The following DGKB variants were observed in gnomAD, a reference collection of about 807,000 sequenced individuals.
DGKB encodes diacylglycerol kinase beta, also known as 90 kDa diacylglycerol kinase.
In DGKB, 67 loss-of-function variants were observed where a neutral mutation model predicts 114.3. The observed-to-expected ratio is 0.59, with a 90% confidence interval of 0.48 to 0.72. The LOEUF (loss-of-function observed/expected upper bound fraction) is 0.72. Among genes scored for constraint, DGKB ranks in the 30% least tolerant of loss-of-function variants. The pLI, the probability that DGKB is intolerant of heterozygous loss-of-function variation, is 0.00. For synonymous variants in DGKB, 398 were observed against 323.1 expected (o/e 1.23, Z -2.49); for missense variants, 907 against 975.2 (o/e 0.93, Z 0.93).
rs535464815 is a variant in DGKB, at chr7:14,315,963, C to T, written c.2122+22552G>A. Among the ~76,000 whole-genome samples the T allele has an allele frequency of 5.2e-3, 793 of 151,854 alleles. 10 individuals are homozygous for T. Among genetic ancestry groups the T allele is most frequent in the African/African-American group, 0.018 (760 of 41,226 alleles). ...AGACCACAGTGCAATCAAACTAGAA[C>T]TCAGGATTAAGAATTTCACTCAAAA... On this transcript the variant is annotated intron_variant, in intron 23 of 25. Coordinates refer to ENST00000402815, the MANE Select transcript of DGKB (RefSeq NM_001350709.2).
intron 20 of DGKB, among the ~76,000 whole-genome samples, chr7:14,516,596 G>A (rs534008973): frequency 1.3e-5 from 2 of 152,268 alleles, no homozygotes; most frequent in South Asian, 2.1e-4. Context: ...AAAGATGTGA[G>A]GGAAGTTATA....
chr7:14,403,274 T>C (rs1823421143), intron 21 of DGKB, among the ~76,000 whole-genome samples: 1 of 151,924 alleles, frequency 6.6e-6, no homozygotes, highest in African/African-American at 2.4e-5. Context: ...AATCAGTTTC[T>C]GCTCCTAGAC....
intron 1 of DGKB, among the ~76,000 whole-genome samples, chr7:14,930,328 T>A (rs776319061): frequency 5.3e-5 from 8 of 152,218 alleles, no homozygotes; most frequent in Non-Finnish European, 1.2e-4. Context: ...ATGACAGTAT[T>A]TCTTCCAATT....
chr7:14,493,539 A>G (rs1402522229), intron 20 of DGKB, among the ~76,000 whole-genome samples: 3 of 152,074 alleles, frequency 2.0e-5, no homozygotes, highest in Non-Finnish European at 4.4e-5. Context: ...TGAAGCTTAC[A>G]GGATGAGACA....
chr7:14,931,020 T>G (rs1784989302), intron 1 of DGKB, among the ~76,000 whole-genome samples: 1 of 152,220 alleles, frequency 6.6e-6, no homozygotes. Context: ...TTAATTTGTA[T>G]ATATGTTAAA....
At chr7:14,401,765 G>A (rs1163555094) in intron 21 of DGKB, among the ~76,000 whole-genome samples, 2 of 151,658 alleles carry the variant, frequency 1.3e-5, no homozygotes, top group Non-Finnish European at 2.9e-5. Context: ...CTAAAAATGA[G>A]AGACATCCCT....
At chr7:14,662,271 G>C (rs1436573924) in intron 13 of DGKB, among the ~76,000 whole-genome samples, 2 of 147,082 alleles carry the variant, frequency 1.4e-5, no homozygotes, top group African/African-American at 2.7e-5. Flanking sequence ...TAGAAATCCA[G>C]TTTAAAAAAA....
At chr7:14,643,937 C>G (rs1385464258) in intron 13 of DGKB, among the ~76,000 whole-genome samples, 1 of 152,122 alleles carries the variant, frequency 6.6e-6, no homozygotes, top group African/African-American at 2.4e-5. Context: ...CATTTAGGAG[C>G]CAGAGGAGTG....
intron 23 of DGKB, among the ~76,000 whole-genome samples, chr7:14,192,916 A>G (rs927218284): frequency 2.0e-5 from 3 of 152,046 alleles, no homozygotes; most frequent in Non-Finnish European, 1.5e-5. Flanking sequence ...ATTCACATAC[A>G]GAGTGCTCAA....
chr7:14,423,527 T>G (rs761534665), intron 21 of DGKB, among the ~76,000 whole-genome samples: 2 of 152,122 alleles, frequency 1.3e-5, no homozygotes, highest in Non-Finnish European at 2.9e-5. Context: ...TAAGTGCACG[T>G]ACATTTTTAT....
chr7:14,553,722 A>T (rs1795439531), intron 20 of DGKB, among the ~76,000 whole-genome samples: 1 of 152,186 alleles, frequency 6.6e-6, no homozygotes. Context: ...GATTACCCAC[A>T]GTCCCACCAC....
chr7:14,392,983 T>TTTTTTGTTTTTGTTTTTG (rs1162301504), intron 21 of DGKB, among the ~76,000 whole-genome samples: 1 of 88,846 alleles, frequency 1.1e-5, no homozygotes, highest in African/African-American at 4.0e-5. Flanking sequence ...AACAGACCTG[T>TTTTTTGTTTTTGTTTTTG]TTTTTGTTTT....
chr7:14,315,346 TAAAG>T (rs2128517206), intron 23 of DGKB, among the ~76,000 whole-genome samples: 1 of 149,250 alleles, frequency 6.7e-6, no homozygotes, highest in South Asian at 2.1e-4. Context: ...GCAAATTGGA[TAAAG>T]AGTCAAGACC....
chr7:14,415,979 G>A (rs931163539), intron 21 of DGKB, among the ~76,000 whole-genome samples: 4 of 152,074 alleles, frequency 2.6e-5, no homozygotes, highest in African/African-American at 9.7e-5. Flanking sequence ...GGTGTGAGAT[G>A]GTATCTCATT....
intron 25 of DGKB, among the ~76,000 whole-genome samples, chr7:14,158,847 C>T (rs1783434130): frequency 6.6e-6 from 1 of 152,108 alleles, no homozygotes; most frequent in Admixed American, 6.6e-5. Flanking sequence ...CCAGATCATC[C>T]TTGACACCTT....
chr7:14,685,584 C>T (rs1466853370), intron 9 of DGKB, among the ~76,000 whole-genome samples: 1 of 152,134 alleles, frequency 6.6e-6, no homozygotes, highest in African/African-American at 2.4e-5. Flanking sequence ...CCCACAAATC[C>T]TTGTCTAATA....
At chr7:14,823,901 C>A (rs528637310) in intron 2 of DGKB, among the ~76,000 whole-genome samples, 3 of 152,056 alleles carry the variant, frequency 2.0e-5, no homozygotes, top group African/African-American at 7.2e-5. Flanking sequence ...TCTGTTCTCA[C>A]GGTGCTAATA....
At chr7:14,699,129 GA>G (rs5882453) in intron 7 of DGKB, among the ~76,000 whole-genome samples, 9 of 149,324 alleles carry the variant, frequency 6.0e-5, no homozygotes, top group African/African-American at 4.9e-5. Flanking sequence ...CCTCTCTCCA[GA>G]AAAAAAAAAT....
At chr7:14,226,830 TCTG>T (rs1168285309) in intron 23 of DGKB, among the ~76,000 whole-genome samples, 1 of 152,096 alleles carries the variant, frequency 6.6e-6, no homozygotes, top group Admixed American at 6.6e-5. Context: ...ATGAAGAATT[TCTG>T]CTGTTTTTAA....
Sources: allele counts gnomAD v4.1 joint callset (sites outside exome capture counted in the v4.1 genomes callset), GRCh38; gene constraint gnomAD v4.1.1; transcripts MANE v1.5; gene names NCBI Gene and HGNC (gene_info 2026-07-23, HGNC 2026-07-21).